MYCT1: variants seen among roughly 807,000 people sequenced by gnomAD.
MYCT1 encodes myc target protein 1.
MYCT1 carries 12 observed loss-of-function variants against 15.0 expected under a neutral mutation model. The observed-to-expected ratio is 0.80, with a 90% CI of 0.51 to 1.29. The LOEUF is 1.29. MYCT1 is among the 50% of genes most tolerant of loss of function. The probability of loss-of-function intolerance (pLI) is 0.00; values close to 1 mark genes in which losing one functional copy is unlikely to be tolerated. For missense variants in MYCT1, 287 were observed against 279.1 expected (o/e 1.03, Z -0.20); for synonymous variants, 104 against 102.7 (o/e 1.01, Z -0.07).
chr6:152,742,775 A>AT, the MYCT1 span, among the ~76,000 whole-genome samples: 1 of 152,122 alleles, frequency 6.6e-6, no homozygotes, highest in Admixed American at 6.5e-5. Context: ...GTATATGTGT[A>AT]AGTATGATTG....
the MYCT1 span, among the ~76,000 whole-genome samples, chr6:152,744,284 C>G: frequency 1.3e-5 from 2 of 152,182 alleles, no homozygotes; most frequent in Non-Finnish European, 2.9e-5. Flanking sequence ...GCCCTTCCTC[C>G]AAGTTCCCAC....
At chr6:152,735,369 A>G in the MYCT1 span, among the ~76,000 whole-genome samples, 1 of 152,194 alleles carries the variant, frequency 6.6e-6, no homozygotes. Flanking sequence ...TTCATAATAA[A>G]TAAGATCTTA....
intron 1 of MYCT1, among the ~76,000 whole-genome samples, chr6:152,702,106 G>A (rs1269805625): frequency 6.6e-6 from 1 of 152,096 alleles, no homozygotes; most frequent in Non-Finnish European, 1.5e-5. Context: ...AGGGAGGGCT[G>A]GAGAGTGATG....
chr6:152,744,698 A>G, the MYCT1 span, among the ~76,000 whole-genome samples: 1 of 152,132 alleles, frequency 6.6e-6, no homozygotes, highest in Non-Finnish European at 1.5e-5. Context: ...TGGTCCTTTC[A>G]TTTCCAACCA....
the MYCT1 span, among the ~76,000 whole-genome samples, chr6:152,733,533 G>A: frequency 1.3e-5 from 2 of 152,188 alleles, no homozygotes; most frequent in African/African-American, 4.8e-5. Flanking sequence ...GAAAAAGGGA[G>A]CTTTCCACCT....
chr6:152,725,248 T>G (rs1001703532), downstream of MYCT1, among the ~76,000 whole-genome samples: 3 of 152,122 alleles, frequency 2.0e-5, no homozygotes, highest in Non-Finnish European at 4.4e-5. Context: ...TATCTTGAAG[T>G]CATGATTAGC....
At chr6:152,715,241 C>T (rs576556922) in intron 1 of MYCT1, among the ~76,000 whole-genome samples, 207 of 152,214 alleles carry the variant, frequency 1.4e-3, no homozygotes, top group African/African-American at 4.0e-3. Context: ...CTCCATTGTA[C>T]GCTTGCTCTC....
the MYCT1 span, among the ~76,000 whole-genome samples, chr6:152,740,473 A>G: frequency 6.6e-6 from 1 of 152,356 alleles, no homozygotes; most frequent in African/African-American, 2.4e-5. Context: ...TGGCAAACTG[A>G]CAAAAGAGCC....
chr6:152,704,597 T>C (rs543649092), intron 1 of MYCT1, among the ~76,000 whole-genome samples: 2 of 152,298 alleles, frequency 1.3e-5, no homozygotes, highest in East Asian at 1.9e-4. Flanking sequence ...TATTTCTTTG[T>C]GCAAGAACAT....
At chr6:152,699,759 CATT>C (rs952074752) in intron 1 of MYCT1, among the ~76,000 whole-genome samples, 4 of 151,836 alleles carry the variant, frequency 2.6e-5, no homozygotes, top group African/African-American at 4.8e-5. Context: ...AAAAACAAAT[CATT>C]ATTCACTGAC....
Position 152,721,734 on chromosome 6 carries a change from T to G in MYCT1, c.197-8T>G. 6.3e-7 allele frequency: 1 copy of G among 1,593,652 alleles called. No individual in the cohort carries two copies. The highest frequency in any genetic ancestry group is 1.4e-5 in the African/African-American group (1 of 74,002). Reference sequence around the variant, plus strand: ...AATTGATTTAGCAATTTGTTTTCTTTGTTTCAGAGGACCTTATCATGTCCT... The same window carrying G: ...AATTGATTTAGCAATTTGTTTTCTTGGTTTCAGAGGACCTTATCATGTCCT... On this transcript the variant is annotated splice_region_variant and splice_polypyrimidine_tract_variant and intron_variant, in intron 1 of 1. Coordinates refer to ENST00000367245, the MANE Select transcript of MYCT1 (RefSeq NM_025107.3).
chr6:152,742,245 A>T, the MYCT1 span, among the ~76,000 whole-genome samples: 13 of 152,288 alleles, frequency 8.5e-5, no homozygotes, highest in Non-Finnish European at 1.6e-4. Context: ...TTGATGGGAG[A>T]ATGGGTTACA....
the MYCT1 span, among the ~76,000 whole-genome samples, chr6:152,739,628 A>C: frequency 6.6e-6 from 1 of 152,050 alleles, no homozygotes; most frequent in Non-Finnish European, 1.5e-5. Flanking sequence ...TTCTATTCAT[A>C]TCGTTTCTCC....
chr6:152,734,486 G>C, the MYCT1 span, among the ~76,000 whole-genome samples: 1 of 152,164 alleles, frequency 6.6e-6, no homozygotes, highest in Non-Finnish European at 1.5e-5. Flanking sequence ...CACCTGCCTG[G>C]AAGGGAACAT....
At chr6:152,713,455 A>G (rs979528667) in intron 1 of MYCT1, among the ~76,000 whole-genome samples, 1 of 152,084 alleles carries the variant, frequency 6.6e-6, no homozygotes, top group Non-Finnish European at 1.5e-5. Flanking sequence ...TGTGCCCAGT[A>G]ATTTCATATT....
In MYCT1 at chr6:152,722,378, G is replaced by A. The variant is rs573850395; in HGVS notation, c.*125G>A. 1.1e-5 allele frequency: 10 copies of A among 944,576 alleles called. No homozygotes were observed. The South Asian group carries it at 1.4e-4, about 13-fold the overall frequency. 58.5% of individuals were successfully genotyped at this position (944,576 alleles called of 1,614,324 possible). Reference sequence around the variant, plus strand: ...ACTCATGAGTTCCAAGTTGAAACATGGTTGTGCAAGTTGGACATTACAATG... The same window carrying A: ...ACTCATGAGTTCCAAGTTGAAACATAGTTGTGCAAGTTGGACATTACAATG... On this transcript the variant is annotated 3_prime_UTR_variant, in exon 2 of 2. Coordinates refer to ENST00000367245, the MANE Select transcript of MYCT1 (RefSeq NM_025107.3).
Position 152,721,835 on chromosome 6 carries a change from G to A in MYCT1, c.290G>A (p.Arg97Lys), listed in dbSNP as rs772158129. Residue 97 changes from arginine (R) to lysine (K), a missense_variant, in exon 2 of 2, where the codon AGA (arginine) becomes AAA (lysine). Transcript: ENST00000367245. ...WAVFICLSRR[R>K]RASAPISQWS... ...GTGTTCATTTGTCTGTCTCGAAGAA[G>A]AAGAGCCAGTGCTCCCATCTCACAG... 13 of 1,614,100 alleles carry A rather than the reference G, an allele frequency of 8.1e-6. No homozygotes were observed. In the South Asian group the frequency reaches 1.4e-4, roughly 18 times the overall value.
the MYCT1 span, among the ~76,000 whole-genome samples, chr6:152,741,696 C>T: frequency 6.6e-6 from 1 of 152,038 alleles, no homozygotes; most frequent in African/African-American, 2.4e-5. Context: ...TGTGAAGTTA[C>T]ACTATTTTTG....
At chr6:152,732,191 CAT>C in the MYCT1 span, among the ~76,000 whole-genome samples, 1 of 152,042 alleles carries the variant, frequency 6.6e-6, no homozygotes, top group East Asian at 1.9e-4. Context: ...GATAAAATGT[CAT>C]GTGGAAATAA....
Sources: allele counts gnomAD v4.1 joint callset (sites outside exome capture counted in the v4.1 genomes callset), GRCh38; gene constraint gnomAD v4.1.1; transcripts MANE v1.5; gene names NCBI Gene and HGNC (gene_info 2026-07-23, HGNC 2026-07-21).